Variants in ZNF608 observed in about 807,000 individuals in gnomAD.
ZNF608 encodes renal carcinoma antigen NY-REN-36.
A neutral mutation model predicts 109.0 loss-of-function variants in ZNF608; 12 were observed. That is an observed-to-expected ratio of 0.11 (90% CI 0.07 to 0.18). The LOEUF (loss-of-function observed/expected upper bound fraction) is 0.18, where lower values mean the gene tolerates loss of function less well. ZNF608 is among the 10% of genes least tolerant of loss of function. The pLI is 1.00. For missense variants in ZNF608, 1,707 were observed against 1,879.3 expected (o/e 0.91, Z 1.70); for synonymous variants, 732 against 717.4 (o/e 1.02, Z -0.33).
intron 2 of ZNF608, chr5:124,708,858 CATGCCAAAATTCCAGA>C: frequency 2.3e-6 from 1 of 435,792 alleles, no homozygotes; most frequent in South Asian, 1.6e-5. Flanking sequence ...GAACCCCCAC[CATGCCAAAATTCCAGA>C]ATGCCAAAAA....
At chr5:124,717,039 A>G (rs1020422246) in intron 2 of ZNF608, among the ~76,000 whole-genome samples, 5 of 152,040 alleles carry the variant, frequency 3.3e-5, no homozygotes, top group East Asian at 3.9e-4. Flanking sequence ...CCAAGATGAC[A>G]CCATTGCACT....
intron 2 of ZNF608, chr5:124,710,783 C>T (rs1345825450): frequency 6.5e-6 from 1 of 153,116 alleles, no homozygotes; most frequent in African/African-American, 2.4e-5. Context: ...GTAAAGCTCT[C>T]CATACTTTAT....
intron 3 of ZNF608, among the ~76,000 whole-genome samples, chr5:124,668,231 A>G (rs192720624): frequency 3.4e-5 from 5 of 145,286 alleles, no homozygotes. Flanking sequence ...ATATATATAT[A>G]TTTTATATAT....
intron 3 of ZNF608, among the ~76,000 whole-genome samples, chr5:124,690,954 C>CACACACACACACACACACAA (rs10666145): frequency 3.2e-4 from 49 of 150,832 alleles, no homozygotes; most frequent in African/African-American, 1.1e-3. Context: ...CACACACACA[C>CACACACACACACACACACAA]ATAATGGAAA....
chr5:124,683,435 G>A (rs1580615647), intron 3 of ZNF608, among the ~76,000 whole-genome samples: 1 of 152,208 alleles, frequency 6.6e-6, no homozygotes, highest in African/African-American at 2.4e-5. Context: ...ATTTGTGTTG[G>A]GGGAAAGGGT....
At chr5:124,646,482 C>G (rs1216146787) in intron 5 of ZNF608, among the ~76,000 whole-genome samples, 197 bp downstream of exon 5, 1 of 152,172 alleles carries the variant, frequency 6.6e-6, no homozygotes, top group Admixed American at 6.5e-5. Flanking sequence ...TACACCATGA[C>G]AAGAAAATAC....
In ZNF608 at chr5:124,700,552, C is replaced by A. The variant is rs544139698; in HGVS notation, c.1162+462G>T. 1.7e-3 allele frequency among the ~76,000 whole-genome samples: 264 copies of A among 152,340 alleles called. 1 individual carries two copies. The highest frequency in any genetic ancestry group is 6.1e-3 in the African/African-American group (254 of 41,570). ...CTCATTACTTCTGAGCACCAGCTGG[C>A]CACAGCCACATCATGACAATGATCC... On this transcript the variant is annotated intron_variant, in intron 3 of 9. Coordinates refer to ENST00000513986, the MANE Select transcript of ZNF608 (RefSeq NM_020747.3).
At chr5:124,734,000 A>ATT (rs935182617) in intron 2 of ZNF608, among the ~76,000 whole-genome samples, 1 of 152,170 alleles carries the variant, frequency 6.6e-6, no homozygotes, top group African/African-American at 2.4e-5. Context: ...GGGTTTTATG[A>ATT]TTATATATGA....
chr5:124,641,704 T>C (rs1750248397), intron 7 of ZNF608, among the ~76,000 whole-genome samples: 1 of 152,236 alleles, frequency 6.6e-6, no homozygotes, highest in African/African-American at 2.4e-5. Context: ...GTTAAGAATT[T>C]ACCCAATTGC....
upstream of ZNF608, chr5:124,746,836 G>T (rs1367840161): frequency 1.0e-6 from 1 of 955,904 alleles, no homozygotes; most frequent in Non-Finnish European, 1.2e-6. Flanking sequence ...GAGAAGAAAG[G>T]GTGGGATGAG....
chr5:124,674,566 G>C (rs1751857770), intron 3 of ZNF608, among the ~76,000 whole-genome samples: 1 of 152,110 alleles, frequency 6.6e-6, no homozygotes, highest in Non-Finnish European at 1.5e-5. Context: ...TTGACCATTA[G>C]GGCTGAGCCA....
intron 3 of ZNF608, among the ~76,000 whole-genome samples, chr5:124,673,518 C>A (rs1184292242): frequency 6.6e-6 from 1 of 152,182 alleles, no homozygotes; most frequent in East Asian, 1.9e-4. Flanking sequence ...CAATGCTAGG[C>A]ACATAATAGA....
In ZNF608 at chr5:124,644,666, T is replaced by A. The variant is rs1750417439; in HGVS notation, c.3706-5A>T. 4 of 1,526,384 alleles carry A rather than the reference T, an allele frequency of 2.6e-6. No individual in the cohort carries two copies. In the South Asian group the frequency reaches 5.3e-5, roughly 20 times the overall value. 94.6% of individuals were successfully genotyped at this position (1,526,384 alleles called of 1,614,324 possible). On this transcript the variant is annotated splice_polypyrimidine_tract_variant and splice_region_variant and intron_variant, in intron 5 of 9. Transcript: ENST00000513986. Reference sequence around the variant, plus strand: ...CCATGTTCTTGAATCTGGGTCCTGATTTTTTTGTTTTAAAGAAAAAAAACC... The same window carrying A: ...CCATGTTCTTGAATCTGGGTCCTGAATTTTTTGTTTTAAAGAAAAAAAACC...
intron 2 of ZNF608, among the ~76,000 whole-genome samples, chr5:124,730,915 G>A (rs560207050): frequency 2.6e-5 from 4 of 152,308 alleles, no homozygotes; most frequent in African/African-American, 9.6e-5. Flanking sequence ...TCATAGAGTG[G>A]AGGCACTGAC....
chr5:124,711,469 T>A (rs144652561), intron 2 of ZNF608, among the ~76,000 whole-genome samples: 1 of 152,238 alleles, frequency 6.6e-6, no homozygotes, highest in African/African-American at 2.4e-5. Context: ...GGGTAGATGC[T>A]TGAAGACTAT....
intron 3 of ZNF608, among the ~76,000 whole-genome samples, chr5:124,685,224 T>C (rs187545604): frequency 2.0e-5 from 3 of 149,300 alleles, no homozygotes; most frequent in Admixed American, 2.0e-4. Flanking sequence ...TTCAAGTGAG[T>C]TTAATGTTTT....
At chr5:124,682,509 T>C (rs1269310383) in intron 3 of ZNF608, among the ~76,000 whole-genome samples, 2 of 152,336 alleles carry the variant, frequency 1.3e-5, no homozygotes, top group South Asian at 4.1e-4. Flanking sequence ...ATACAAGAGA[T>C]ATTTCAGATT....
At chr5:124,662,812 G>GACAC (rs10630923) in intron 3 of ZNF608, among the ~76,000 whole-genome samples, 10 of 150,988 alleles carry the variant, frequency 6.6e-5, no homozygotes, top group Admixed American at 1.3e-4. Flanking sequence ...CAGACACACA[G>GACAC]ACACACACAC....
chr5:124,655,085 C>T (rs965492580), intron 3 of ZNF608, among the ~76,000 whole-genome samples: 2 of 152,096 alleles, frequency 1.3e-5, no homozygotes, highest in Admixed American at 6.5e-5. Flanking sequence ...CGAGGACTGA[C>T]GAGAGAGAGA....
Sources: gnomAD v4.1 joint callset for allele counts (sites outside exome capture counted in the v4.1 genomes callset) on GRCh38, gnomAD v4.1.1 for gene constraint, MANE v1.5 for transcripts, NCBI Gene and HGNC (gene_info 2026-07-23, HGNC 2026-07-21) for gene names.